The following VEGFB variants were observed in gnomAD, a reference collection of about 807,000 sequenced individuals.
The protein encoded by VEGFB is VEGF-related factor.
Under a neutral mutation model 22.5 loss-of-function variants are expected in VEGFB, and 24 were observed. The observed-to-expected ratio is 1.07, with a 90% CI of 0.77 to 1.50. The LOEUF (loss-of-function observed/expected upper bound fraction) is 1.50, where lower values mean the gene tolerates loss of function less well. Ranked by LOEUF, VEGFB falls within the 40% of genes most tolerant of loss-of-function variation. The pLI is 0.00. For synonymous variants in VEGFB, 141 were observed against 117.4 expected (o/e 1.20, Z -1.30); for missense variants, 327 against 287.8 (o/e 1.14, Z -0.99).
rs906601819 is a variant in VEGFB at position 64,239,168 on chromosome 11, G to A, written c.*835G>A. 6.6e-6 allele frequency among the ~76,000 whole-genome samples: 1 copy of A among 152,200 alleles called. No homozygotes were observed. The highest frequency in any genetic ancestry group is 1.5e-5 in the Non-Finnish European group (1 of 68,044). ...CAGTTTCCACATGTGCACATAGAGG[G>A]AACAGAAGATTGCTGTGGTTGGCGT... On this transcript the variant is annotated 3_prime_UTR_variant, in exon 7 of 7. Coordinates refer to ENST00000309422, the MANE Select transcript of VEGFB (RefSeq NM_003377.5).
In VEGFB at chr11:64,237,085, A is replaced by AG. The variant is rs2030117283; in HGVS notation, c.375-102_375-101insG. On this transcript the variant is annotated intron_variant, in intron 4 of 6. Coordinates refer to ENST00000309422, the MANE Select transcript of VEGFB (RefSeq NM_003377.5). ...GCAAGAAGAGGGAAACACAGTCTCA[A>AG]AGAGAGAGAGAGAGAGAGAGAGAGA... is the stretch of plus-strand genomic sequence containing the variant. 1.5e-4 allele frequency: 89 copies of AG among 604,596 alleles called. 5 individuals are homozygous for AG. Among genetic ancestry groups the AG allele is most frequent in the East Asian group, 9.3e-4 (16 of 17,234 alleles). 37.5% of individuals were successfully genotyped at this position (604,596 alleles called of 1,614,324 possible). A position where few individuals can be genotyped will look rare whatever the true frequency, so the allele number is the denominator to read the frequency against.
At chr11:64,236,232 C>G (rs201445943) in intron 3 of VEGFB, 22 bp from the exon 4 acceptor site, 10 of 1,612,864 alleles carry the variant, frequency 6.2e-6, no homozygotes, top group African/African-American at 1.3e-5. Flanking sequence ...CACTGTCCCC[C>G]CTGTTCTTCT....
rs59541656 is a variant in VEGFB, at chr11:64,237,085, AAGAGAGAGAGAGAG to A, written c.375-77_375-64del. On this transcript the variant is annotated intron_variant, in intron 4 of 6. Coordinates refer to ENST00000309422, the MANE Select transcript of VEGFB (RefSeq NM_003377.5). ...GCAAGAAGAGGGAAACACAGTCTCA[AAGAGAGAGAGAGAG>A]AGAGAGAGAGAGAGAGAGAGAGAGT... 3,111 of 599,134 alleles carry A rather than the reference AAGAGAGAGAGAGAG, an allele frequency of 5.2e-3. 83 individuals carry two copies. Among genetic ancestry groups the A allele is most frequent in the African/African-American group, 0.016 (610 of 37,086 alleles). 37.1% of individuals were successfully genotyped at this position (599,134 alleles called of 1,614,324 possible).
chr11:64,237,085 A>AGAGAGAGAGAGAGAG lies in VEGFB; in HGVS notation c.375-102_375-101insGAGAGAGAGAGAGAG, dbSNP rs2030117283. The AGAGAGAGAGAGAGAG allele has an allele frequency of 8.3e-6, 5 of 604,624 alleles. No individual in the cohort carries two copies. In the African/African-American group the frequency reaches 1.1e-4, roughly 13 times the overall value. 37.5% of individuals were successfully genotyped at this position (604,624 alleles called of 1,614,324 possible). On this transcript the variant is annotated intron_variant, in intron 4 of 6. Transcript: ENST00000309422. ...GCAAGAAGAGGGAAACACAGTCTCA[A>AGAGAGAGAGAGAGAG]AGAGAGAGAGAGAGAGAGAGAGAGA... is the stretch of plus-strand genomic sequence containing the variant.
Position 64,237,591 on chromosome 11 carries a change from T to G in VEGFB, c.582T>G (p.Ala194=), listed in dbSNP as rs747355174. Residue 194 remains alanine, a synonymous_variant, in exon 6 of 7, where the codon GCT becomes GCG. Coordinates refer to ENST00000309422, the MANE Select transcript of VEGFB (RefSeq NM_003377.5). ...SALTPGPAAA[A]ADAAASSVAK... Reference sequence around the variant, plus strand: ...TGACCCCCGGACCTGCCGCTGCCGCTGCCGACGCCGCAGCTTCCTCCGTTG... The same window carrying G: ...TGACCCCCGGACCTGCCGCTGCCGCGGCCGACGCCGCAGCTTCCTCCGTTG... The G allele has an allele frequency of 3.1e-6, 5 of 1,593,784 alleles. No individual in the cohort carries two copies. Among genetic ancestry groups the G allele is most frequent in the Middle Eastern group, 3.3e-4 (2 of 6,042 alleles).
chr11:64,237,700 C>T (rs1483949134), intron 6 of VEGFB, 45 bp downstream of exon 6: 1 of 1,483,592 alleles, frequency 6.7e-7, no homozygotes, highest in African/African-American at 1.4e-5. Context: ...GGCACCAAGG[C>T]CCTGTCCTGG....
intron 4 of VEGFB, 159 bp from the exon 5 acceptor site, chr11:64,237,028 A>G (rs1591080954): frequency 1.9e-6 from 1 of 539,018 alleles, no homozygotes; most frequent in East Asian, 3.8e-5. Context: ...GGTTGCAGTG[A>G]GCCGAGACCA....
At chr11:64,238,112 G>A (rs896376380) in intron 6 of VEGFB, among the ~76,000 whole-genome samples, 1 of 152,186 alleles carries the variant, frequency 6.6e-6, no homozygotes, top group Non-Finnish European at 1.5e-5. Flanking sequence ...CTCACCATCC[G>A]TGTCCCGCAG....
Position 64,239,242 on chromosome 11 carries a change from A to C in VEGFB, c.*909A>C, listed in dbSNP as rs577748112. Reference sequence around the variant, plus strand: ...GACTATCTTTACGTAATAGAAAAGAACACTTGTTCTTCCTGCCAGGCAGCG... The same window carrying C: ...GACTATCTTTACGTAATAGAAAAGACCACTTGTTCTTCCTGCCAGGCAGCG... On this transcript the variant is annotated 3_prime_UTR_variant, in exon 7 of 7. Coordinates refer to ENST00000309422, the MANE Select transcript of VEGFB (RefSeq NM_003377.5). Among the ~76,000 whole-genome samples, 4 of 152,266 alleles carry C rather than the reference A, an allele frequency of 2.6e-5. No individual in the cohort carries two copies. Among genetic ancestry groups the C allele is most frequent in the African/African-American group, 9.6e-5 (4 of 41,550 alleles).
rs766753479 is a variant in VEGFB at position 64,238,475 on chromosome 11, A to C, written c.*142A>C. The stretch of plus-strand genomic sequence containing the variant: ...CTGGTAAAAAACAGCCAAGCCCCCA[A>C]GACCTCAGCCCAGGCAGAAGCTGCT... On this transcript the variant is annotated 3_prime_UTR_variant, in exon 7 of 7. Transcript: ENST00000309422. The C allele has an allele frequency of 1.6e-5, 23 of 1,472,844 alleles. No homozygotes were observed. The South Asian group carries it at 2.8e-4, about 18-fold the overall frequency. 91.2% of individuals were successfully genotyped at this position (1,472,844 alleles called of 1,614,324 possible).
At chr11:64,236,226 G>C (rs763484612) in intron 3 of VEGFB, 28 bp from the exon 4 acceptor site, 1 of 1,611,526 alleles carries the variant, frequency 6.2e-7, no homozygotes, top group Non-Finnish European at 8.5e-7. Context: ...CTCCCTCACT[G>C]TCCCCCCTGT....
At chr11:64,236,659 G>T (rs904003357) in intron 4 of VEGFB, among the ~76,000 whole-genome samples, 2 of 145,612 alleles carry the variant, frequency 1.4e-5, no homozygotes, top group African/African-American at 5.1e-5. Context: ...GTAGCTTGCA[G>T]TGAGCCAAGA....
rs1555056186 is a variant in VEGFB, at chr11:64,237,195, A to G, written c.383A>G (p.Lys128Arg). ...EHSQCECRPK[K>R]KDSAVKPDRA... ...TCTATCTTACTTTTCAGACCTAAAA[A>G]AAAGGACAGTGCTGTGAAGCCAGAC... The change falls in exon 5 of 7, where the codon AAA (lysine) becomes AGA (arginine). Residue 128 changes from lysine (K) to arginine (R), a missense_variant. Transcript: ENST00000309422. 6.2e-7 allele frequency: 1 copy of G among 1,606,276 alleles called. No individual in the cohort carries two copies. Among genetic ancestry groups the G allele is most frequent in the Non-Finnish European group, 8.5e-7 (1 of 1,175,304 alleles).
intron 4 of VEGFB, 104 bp downstream of exon 4, chr11:64,236,431 AG>A: frequency 8.4e-7 from 1 of 1,186,572 alleles, no homozygotes; most frequent in Non-Finnish European, 1.2e-6. Context: ...AGTAGAACCA[AG>A]GGGCCGGGCG....
chr11:64,237,436 C>T lies in VEGFB; in HGVS notation c.427C>T (p.His143Tyr). 6.3e-7 allele frequency: 1 copy of T among 1,596,296 alleles called. No homozygotes were observed. The highest frequency in any genetic ancestry group is 8.6e-7 in the Non-Finnish European group (1 of 1,166,776). Residue 143 changes from histidine to tyrosine, a missense_variant, in exon 6 of 7, where the codon CAC (histidine) becomes TAC (tyrosine). His to Tyr is a moderately conservative substitution (Grantham distance 83). Coordinates refer to ENST00000309422, the MANE Select transcript of VEGFB (RefSeq NM_003377.5). ...VKPDRAATPHHRPQPRSVPGW... is the reference protein window; with the variant it reads ...VKPDRAATPHYRPQPRSVPGW... ...CCTCCCTAGGGCTGCCACTCCCCAC[C>T]ACCGTCCCCAGCCCCGTTCTGTTCC... is the stretch of plus-strand genomic sequence containing the variant.
rs983250817 is a variant in VEGFB at position 64,238,769 on chromosome 11, G to A, written c.*436G>A. On this transcript the variant is annotated 3_prime_UTR_variant, in exon 7 of 7. Coordinates refer to ENST00000309422, the MANE Select transcript of VEGFB (RefSeq NM_003377.5). The stretch of plus-strand genomic sequence containing the variant: ...TACAAGAACTGTGACCCCCAACCCT[G>A]ATAAAAGAGATGGAAGGAGCTGTCC... 1.6e-5 allele frequency: 4 copies of A among 248,756 alleles called. No homozygotes were observed. The highest frequency in any genetic ancestry group is 6.6e-5 in the African/African-American group (3 of 45,230). 15.4% of individuals were successfully genotyped at this position (248,756 alleles called of 1,614,324 possible). A position where few individuals can be genotyped will look rare whatever the true frequency, so the allele number is the denominator to read the frequency against.
At position 64,234,873 on chromosome 11, in the gene VEGFB, C is replaced by T; in HGVS notation, c.40C>T (p.Leu14=). ...LLRRLLLAAL[L]QLAPAQAPVS... is the part of the protein sequence containing the mutation. Reference sequence around the variant, plus strand: ...CCGCCGCCTGCTGCTCGCCGCACTCCTGCAGCTGGCCCCCGCCCAGGTACG... The same window carrying T: ...CCGCCGCCTGCTGCTCGCCGCACTCTTGCAGCTGGCCCCCGCCCAGGTACG... Residue 14 remains leucine, a synonymous_variant, in exon 1 of 7, where the codon CTG becomes TTG. Coordinates refer to ENST00000309422, the MANE Select transcript of VEGFB (RefSeq NM_003377.5). This position sits in a 1 kb window ranked among gnomAD's most constrained non-coding sequence, Gnocchi z 5.3. 12 of 1,305,918 alleles carry T rather than the reference C, an allele frequency of 9.2e-6. No individual in the cohort carries two copies. Among genetic ancestry groups the T allele is most frequent in the Non-Finnish European group, 1.2e-5 (12 of 1,024,024 alleles). The allele number at this position is 1,305,918 out of a possible 1,614,324, so 80.9% of individuals were successfully genotyped here. A position where few individuals can be genotyped will look rare whatever the true frequency, so the allele number is the denominator to read the frequency against.
At chr11:64,236,153 C>G (rs1056845616) in intron 3 of VEGFB, 101 bp from the exon 4 acceptor site, 1 of 1,540,192 alleles carries the variant, frequency 6.5e-7, no homozygotes, top group African/African-American at 1.4e-5. Context: ...GGGCTGGTGG[C>G]CAGCCTCCCG....
Position 64,234,922 on chromosome 11 carries a change from C to G in VEGFB, c.60+29C>G. 1 of 1,276,192 alleles carries G rather than the reference C, an allele frequency of 7.8e-7. No individual in the cohort carries two copies. The highest frequency in any genetic ancestry group is 2.6e-5 in the South Asian group (1 of 38,684). 79.1% of individuals were successfully genotyped at this position (1,276,192 alleles called of 1,614,324 possible). On this transcript the variant is annotated intron_variant, in intron 1 of 6. Coordinates refer to ENST00000309422, the MANE Select transcript of VEGFB (RefSeq NM_003377.5). The surrounding 1 kb of genome is among the most constrained non-coding windows in gnomAD (Gnocchi z 5.3). ...CGTGCGGCCCGACAGCGCGCCCGCCCGCCCGCCGTGCCCTCTCTCAAGGTT... is the reference window on the plus strand; with the variant it reads ...CGTGCGGCCCGACAGCGCGCCCGCCGGCCCGCCGTGCCCTCTCTCAAGGTT...
Sources: allele counts gnomAD v4.1 joint callset (sites outside exome capture counted in the v4.1 genomes callset), GRCh38; gene constraint gnomAD v4.1.1; non-coding constraint Gnocchi (gnomAD v3.1); transcripts MANE v1.5; gene names NCBI Gene and HGNC (gene_info 2026-07-23, HGNC 2026-07-21).